Variants in HNF4G observed in about 807,000 individuals in gnomAD.
HNF4G encodes the protein hepatocyte nuclear factor 4-gamma.
A neutral mutation model predicts 50.9 loss-of-function variants in HNF4G; 21 were observed. That is an observed-to-expected ratio of 0.41 (90% CI 0.29 to 0.59). The LOEUF is 0.59. Among genes scored for constraint, HNF4G ranks in the 20% least tolerant of loss-of-function variants. HNF4G has a pLI of 0.26. For missense variants in HNF4G, 527 were observed against 559.4 expected (o/e 0.94, Z 0.58); for synonymous variants, 198 against 185.6 (o/e 1.07, Z -0.54).
At chr8:75,428,418 C>T (rs1017877785) in intron 1 of HNF4G, among the ~76,000 whole-genome samples, 1 of 151,892 alleles carries the variant, frequency 6.6e-6, no homozygotes, top group African/African-American at 2.4e-5. Flanking sequence ...AGGTAATATC[C>T]TTGTATTTAT....
chr8:75,440,363 T>A (rs568717191), intron 1 of HNF4G, among the ~76,000 whole-genome samples: 1 of 152,320 alleles, frequency 6.6e-6, no homozygotes, highest in Admixed American at 6.5e-5. Context: ...GTTGCAGCTA[T>A]CATTTCTAAC....
chr8:75,557,106 G>A (rs141118262), intron 6 of HNF4G, among the ~76,000 whole-genome samples: 98 of 152,180 alleles, frequency 6.4e-4, no homozygotes, highest in African/African-American at 2.2e-3. Flanking sequence ...TAAACATCTA[G>A]AATACTGTTC....
intron 1 of HNF4G, among the ~76,000 whole-genome samples, chr8:75,434,249 G>A (rs923701563): frequency 1.3e-5 from 2 of 151,432 alleles, no homozygotes; most frequent in African/African-American, 2.4e-5. Flanking sequence ...TGATCTGCCC[G>A]CCTTTGCCTC....
chr8:75,537,769 T>A (rs1021273505), upstream of HNF4G, among the ~76,000 whole-genome samples: 3 of 151,986 alleles, frequency 2.0e-5, no homozygotes, highest in Non-Finnish European at 4.4e-5. Flanking sequence ...TGAAAAAAAA[T>A]TTAGTAAAGA....
At chr8:75,461,928 A>ATATATTTTTT (rs1481909660) in intron 1 of HNF4G, among the ~76,000 whole-genome samples, 18 of 40,000 alleles carry the variant, frequency 4.5e-4, no homozygotes, top group African/African-American at 1.9e-3. Flanking sequence ...ATATATATAT[A>ATATATTTTTT]TTTTTTTAGA....
chr8:75,543,994 C>G lies in HNF4G; in HGVS notation c.287+15C>G. 2 of 1,554,414 alleles carry G rather than the reference C, an allele frequency of 1.3e-6. No homozygotes were observed. Among genetic ancestry groups the G allele is most frequent in the Middle Eastern group, 3.4e-4 (2 of 5,840 alleles). The stretch of plus-strand genomic sequence containing the variant: ...TATTCTTGCAGGTACTTTAAATGCC[C>G]TTTTAGGCAAGTTATCTTTACAGAT... On this transcript the variant is annotated intron_variant, in intron 2 of 9. Coordinates refer to ENST00000396423, the MANE Select transcript of HNF4G (RefSeq NM_004133.5).
Position 75,564,089 on chromosome 8 carries a change from A to G in HNF4G, c.1361A>G (p.Gln454Arg). The change falls in exon 10 of 10, where the codon CAA becomes CGA. Residue 454 changes from glutamine (Q) to arginine (R), a missense_variant. Around this residue, in one of 5 missense-constraint regions of HNF4G, gnomAD observed 308 missense variants for 301.5 expected, o/e 1.02. Transcript: ENST00000396423. ...ISHQHLSKQK[Q>R]L The stretch of plus-strand genomic sequence containing the variant: ...CACCAGCATCTCTCCAAACAAAAGC[A>G]ATTGTGAAAATGTGTTTACTTCAGA... The G allele has an allele frequency of 6.2e-7, 1 of 1,613,410 alleles. No individual in the cohort carries two copies.
At chr8:75,427,572 G>C (rs566112485) in intron 1 of HNF4G, among the ~76,000 whole-genome samples, 1 of 150,958 alleles carries the variant, frequency 6.6e-6, no homozygotes, top group Non-Finnish European at 1.5e-5. Context: ...GTGAGACCCT[G>C]TCTCAAAAAA....
chr8:75,417,280 C>G (rs1490218540), intron 1 of HNF4G, among the ~76,000 whole-genome samples: 3 of 152,206 alleles, frequency 2.0e-5, no homozygotes, highest in African/African-American at 7.2e-5. Context: ...TCTGCCTCAG[C>G]CTTCTGAATA....
intron 1 of HNF4G, among the ~76,000 whole-genome samples, chr8:75,449,748 C>T (rs567167787): frequency 8.6e-5 from 13 of 152,006 alleles, no homozygotes; most frequent in African/African-American, 3.1e-4. Flanking sequence ...ACCTCGTGAT[C>T]CGCCCCCCTT....
rs968281176 is a variant in HNF4G, at chr8:75,498,680, C to A, written c.-24+8472C>A. 2.6e-5 allele frequency among the ~76,000 whole-genome samples: 4 copies of A among 151,846 alleles called. No homozygotes were observed. The South Asian group carries it at 8.3e-4, about 32-fold the overall frequency. ...AAATACTGTACTAGCAAGCCAAATA[C>A]AACAACAGAAAAAAAGGATTATCTA... is the stretch of plus-strand genomic sequence containing the variant. On this transcript the variant is annotated intron_variant, in intron 2 of 10. Coordinates refer to the HNF4G transcript ENST00000354370.
rs141225470 is a variant in HNF4G, at chr8:75,518,762, C to T, written c.-23-25049C>T. Among the ~76,000 whole-genome samples, 1,201 of 152,152 alleles carry T rather than the reference C, an allele frequency of 7.9e-3. 8 individuals carry two copies. The highest frequency in any genetic ancestry group is 0.017 in the Middle Eastern group (5 of 294). On this transcript the variant is annotated intron_variant, in intron 2 of 10. Coordinates refer to the HNF4G transcript ENST00000354370. ...GAAATCTTTTTTTTTTCCTCCTAGA[C>T]CTCCTGGCTTGTGATGGGAGGGACT...
At chr8:75,490,501 G>A (rs1435581512) in intron 2 of HNF4G, among the ~76,000 whole-genome samples, 1 of 152,032 alleles carries the variant, frequency 6.6e-6, no homozygotes, top group Non-Finnish European at 1.5e-5. Context: ...TTGGAGCCTG[G>A]CACTGGGCAC....
intron 8 of HNF4G, among the ~76,000 whole-genome samples, chr8:75,559,277 G>GT (rs112670281): frequency 0.056 from 2,410 of 42,704 alleles, 33 homozygotes; most frequent in Non-Finnish European, 0.066. Flanking sequence ...TTTTTTGTTT[G>GT]TTTTTTTTTT....
chr8:75,437,040 G>A (rs1288334800), intron 1 of HNF4G, among the ~76,000 whole-genome samples: 2 of 152,170 alleles, frequency 1.3e-5, no homozygotes, highest in African/African-American at 4.8e-5. Flanking sequence ...CAGAAAAACA[G>A]TTTGTTAAAA....
At chr8:75,485,374 C>T (rs914091635) in intron 1 of HNF4G, among the ~76,000 whole-genome samples, 1 of 152,120 alleles carries the variant, frequency 6.6e-6, no homozygotes, top group African/African-American at 2.4e-5. Flanking sequence ...TGAATTGGCA[C>T]ACAATTTGCA....
chr8:75,515,329 T>C (rs547396384), intron 2 of HNF4G, among the ~76,000 whole-genome samples: 24 of 152,304 alleles, frequency 1.6e-4, no homozygotes, highest in African/African-American at 5.5e-4. Context: ...GATTTGAGAG[T>C]TTTCTTCTTT....
intron 1 of HNF4G, among the ~76,000 whole-genome samples, chr8:75,481,086 C>T (rs572520478): frequency 1.3e-5 from 2 of 152,238 alleles, no homozygotes; most frequent in African/African-American, 4.8e-5. Flanking sequence ...CAGAGTCCTA[C>T]AGATTAGAAA....
At chr8:75,502,827 A>T (rs933455494) in intron 2 of HNF4G, among the ~76,000 whole-genome samples, 1 of 152,226 alleles carries the variant, frequency 6.6e-6, no homozygotes, top group African/African-American at 2.4e-5. Flanking sequence ...TTTGTAGGCT[A>T]TTCATGATAT....
Sources: allele counts gnomAD v4.1 joint callset (sites outside exome capture counted in the v4.1 genomes callset), GRCh38; gene constraint gnomAD v4.1.1; regional missense constraint gnomAD v4.1.1; transcripts MANE v1.5; gene names NCBI Gene and HGNC (gene_info 2026-07-23, HGNC 2026-07-21).